Variants in MON2 observed in about 807,000 individuals in gnomAD.
The protein encoded by MON2 is protein MON2 homolog.
A neutral mutation model predicts 208.6 loss-of-function variants in MON2; 84 were observed. The ratio of observed to expected loss-of-function variants is 0.40; its 90% CI spans 0.34 to 0.48. The LOEUF (loss-of-function observed/expected upper bound fraction) is 0.48. Ranked by LOEUF, MON2 falls within the 20% of genes least tolerant of loss-of-function variation. MON2 has a pLI of 0.59. For missense variants in MON2, 1,611 were observed against 2,015.4 expected, an observed-to-expected ratio of 0.80 and a Z score of 3.84; for synonymous variants, 660 against 694.0, an observed-to-expected ratio of 0.95 and a Z score of 0.77.
intron 25 of MON2, among the ~76,000 whole-genome samples, chr12:62,557,410 G>A (rs1258829163): frequency 6.6e-6 from 1 of 152,142 alleles, no homozygotes; most frequent in Non-Finnish European, 1.5e-5. Context: ...TAGAGGCAAG[G>A]GTTGATGCTA....
At chr12:62,590,641 C>T (rs564351265) in intron 34 of MON2, among the ~76,000 whole-genome samples, 11 of 152,250 alleles carry the variant, frequency 7.2e-5, no homozygotes, top group Non-Finnish European at 1.2e-4. Context: ...TCCCCCATCC[C>T]GGTTTTGTAC....
intron 19 of MON2, among the ~76,000 whole-genome samples, chr12:62,539,917 C>T (rs921944998): frequency 2.0e-5 from 3 of 151,802 alleles, no homozygotes; most frequent in African/African-American, 7.3e-5. Flanking sequence ...TGCTGTGAGT[C>T]GAGATTGTGC....
In MON2 at chr12:62,599,022, C is replaced by T. The variant is rs1016047824; in HGVS notation, c.*6273C>T. Reference sequence around the variant, plus strand: ...TACTTTGTGTTTGCTTTCTCATCCCCGTTAAGTCTGAAACATTATTGACAC... The same window carrying T: ...TACTTTGTGTTTGCTTTCTCATCCCTGTTAAGTCTGAAACATTATTGACAC... On this transcript the variant is annotated 3_prime_UTR_variant, in exon 35 of 35. Transcript: ENST00000393630. 3 of 152,042 alleles carry T rather than the reference C, an allele frequency of 2.0e-5. No homozygotes were observed. Among genetic ancestry groups the T allele is most frequent in the African/African-American group, 7.2e-5 (3 of 41,412 alleles). The allele number at this position is 152,042 out of a possible 1,614,324, so 9.4% of individuals were successfully genotyped here.
At chr12:62,503,177 G>A (rs1053284104) in intron 7 of MON2, among the ~76,000 whole-genome samples, 1 of 152,128 alleles carries the variant, frequency 6.6e-6, no homozygotes, top group Non-Finnish European at 1.5e-5. Context: ...TGAGATACCA[G>A]TTATCACTGT....
chr12:62,508,515 A>G (rs1334975143), intron 8 of MON2, 35 bp downstream of exon 8: 5 of 1,580,958 alleles, frequency 3.2e-6, no homozygotes, highest in Non-Finnish European at 4.3e-6. Flanking sequence ...TTGTGTATAT[A>G]GTTGCATGTT....
At chr12:62,591,832 C>G (rs904198581) in intron 34 of MON2, among the ~76,000 whole-genome samples, 2 of 152,116 alleles carry the variant, frequency 1.3e-5, no homozygotes, top group African/African-American at 4.8e-5. Flanking sequence ...TACTATAATG[C>G]CTCTTAGATT....
At chr12:62,579,681 A>C (rs1459281823) in intron 31 of MON2, among the ~76,000 whole-genome samples, 5 of 152,110 alleles carry the variant, frequency 3.3e-5, no homozygotes. Flanking sequence ...AGCCGAGATC[A>C]CGCCACTGCA....
rs1192680038 is a variant in MON2 at position 62,570,722 on chromosome 12, C to CTTTTTTTTTTTT, written c.4324-652_4324-641dup. ...ATAACTATGGCAGAATTTTCTTTTT[C>CTTTTTTTTTTTT]TTTTTTTTTTTTTTTTTTTTTTTTT... On this transcript the variant is annotated intron_variant, in intron 29 of 34. Transcript: ENST00000393630. 1.6e-4 allele frequency among the ~76,000 whole-genome samples: 11 copies of CTTTTTTTTTTTT among 70,858 alleles called. 1 individual carries two copies. The highest frequency in any genetic ancestry group is 1.8e-4 in the Non-Finnish European group (7 of 38,558). 46.5% of individuals were successfully genotyped at this position (70,858 alleles called of 152,430 possible).
intron 1 of MON2, among the ~76,000 whole-genome samples, chr12:62,468,499 T>C (rs962515431): frequency 1.3e-5 from 2 of 152,182 alleles, no homozygotes; most frequent in Non-Finnish European, 2.9e-5. Context: ...AAATTTTGGA[T>C]TTTAGGCTTG....
At chr12:62,522,761 A>C (rs2072122119) in intron 8 of MON2, among the ~76,000 whole-genome samples, 1 of 152,226 alleles carries the variant, frequency 6.6e-6, no homozygotes, top group Non-Finnish European at 1.5e-5. Flanking sequence ...TTCAGTGTTC[A>C]GTGCTCTCAA....
intron 5 of MON2, among the ~76,000 whole-genome samples, chr12:62,499,663 A>G (rs2070728300): frequency 1.3e-5 from 2 of 152,100 alleles, no homozygotes; most frequent in Admixed American, 6.6e-5. Context: ...TGCCTGACTC[A>G]GGAGTTTGAG....
rs368920235 is a variant in MON2 at position 62,585,309 on chromosome 12, T to C, written c.4715T>C (p.Ile1572Thr). ...SSSFTEAEID[I>T]RLREEFSKMC... Reference sequence around the variant, plus strand: ...AATTTTACAGAAGCAGAGATTGATATTCGTTTGAGAGAGGAATTTTCTAAA... The same window carrying C: ...AATTTTACAGAAGCAGAGATTGATACTCGTTTGAGAGAGGAATTTTCTAAA... The change falls in exon 33 of 35, where the codon ATT becomes ACT. Residue 1572 changes from isoleucine (I) to threonine (T), a missense_variant. Ile to Thr is a moderately conservative substitution (Grantham distance 89, BLOSUM62 -1). Transcript: ENST00000393630. 1.3e-5 allele frequency: 21 copies of C among 1,612,940 alleles called. No individual in the cohort carries two copies. The highest frequency in any genetic ancestry group is 2.7e-5 in the African/African-American group (2 of 74,886).
intron 1 of MON2, among the ~76,000 whole-genome samples, chr12:62,483,725 A>G (rs953897515): frequency 6.6e-6 from 1 of 152,146 alleles, no homozygotes; most frequent in Non-Finnish European, 1.5e-5. Context: ...TCAACAATAA[A>G]TAAATAAATC....
chr12:62,480,732 G>A (rs1467375264), intron 1 of MON2, among the ~76,000 whole-genome samples: 1 of 152,170 alleles, frequency 6.6e-6, no homozygotes, highest in Non-Finnish European at 1.5e-5. Context: ...GCACGCTACA[G>A]GATGGATTTT....
Position 62,546,888 on chromosome 12 carries a change from C to T in MON2, c.2578-9C>T, listed in dbSNP as rs573660040. On this transcript the variant is annotated splice_polypyrimidine_tract_variant and intron_variant, in intron 21 of 34. Coordinates refer to ENST00000393630, the MANE Select transcript of MON2 (RefSeq NM_015026.3). ...TCTCTTCCTAATTAGTTTCTTGCCC[C>T]CTTTTCAGAGGCTGCAGTTGCTTTT... 6.3e-7 allele frequency: 1 copy of T among 1,581,084 alleles called. No homozygotes were observed. Among genetic ancestry groups the T allele is most frequent in the South Asian group, 1.2e-5 (1 of 86,520 alleles).
chr12:62,584,451 C>G (rs1359336056), intron 32 of MON2, among the ~76,000 whole-genome samples: 1 of 152,158 alleles, frequency 6.6e-6, no homozygotes, highest in Non-Finnish European at 1.5e-5. Context: ...CGCCTGTAAT[C>G]TCAGCACTTT....
chr12:62,496,494 C>A (rs1392662471), intron 4 of MON2, among the ~76,000 whole-genome samples: 1 of 152,026 alleles, frequency 6.6e-6, no homozygotes, highest in Non-Finnish European at 1.5e-5. Context: ...AGAGTAGTAG[C>A]GATATCAAAG....
intron 30 of MON2, among the ~76,000 whole-genome samples, chr12:62,574,934 G>A (rs1407318861): frequency 6.6e-6 from 1 of 151,462 alleles, no homozygotes; most frequent in African/African-American, 2.4e-5. Context: ...GACCAGCCTG[G>A]GCAACATAGT....
At chr12:62,511,753 T>C (rs184080528) in intron 8 of MON2, among the ~76,000 whole-genome samples, 1 of 152,292 alleles carries the variant, frequency 6.6e-6, no homozygotes, top group Admixed American at 6.5e-5. Context: ...AAAGCAACAA[T>C]AGACAAATGG....
Sources: allele counts gnomAD v4.1 joint callset (sites outside exome capture counted in the v4.1 genomes callset), GRCh38; gene constraint gnomAD v4.1.1; transcripts MANE v1.5; gene names NCBI Gene and HGNC (gene_info 2026-07-23, HGNC 2026-07-21).